Variants in ACOT12 observed in about 807,000 individuals in gnomAD.
The protein encoded by ACOT12 is acyl-CoA thioesterase 12, also known as acetyl-coenzyme A thioesterase.
Under a neutral mutation model 67.7 loss-of-function variants are expected in ACOT12, and 51 were observed. That is an observed-to-expected ratio of 0.75 (90% CI 0.60 to 0.95). The LOEUF (loss-of-function observed/expected upper bound fraction) is 0.95. Ranked by LOEUF, ACOT12 falls within the 40% of genes least tolerant of loss-of-function variation. The pLI is 0.00. For synonymous variants in ACOT12, 251 were observed against 244.6 expected (o/e 1.03, Z -0.24); for missense variants, 734 against 708.1 (o/e 1.04, Z -0.41).
chr5:81,348,854 G>T (rs980219175), intron 5 of ACOT12, among the ~76,000 whole-genome samples: 1 of 152,228 alleles, frequency 6.6e-6, no homozygotes. Context: ...GTGAGCCACC[G>T]CGCCTAGCTT....
chr5:81,394,015 A>C lies in ACOT12; in HGVS notation c.100T>G (p.Trp34Gly), dbSNP rs758088057. 2.0e-5 allele frequency: 29 copies of C among 1,450,740 alleles called. No homozygotes were observed. Among genetic ancestry groups the C allele is most frequent in the Non-Finnish European group, 2.6e-5 (29 of 1,105,868 alleles). 89.9% of individuals were successfully genotyped at this position (1,450,740 alleles called of 1,614,324 possible). ...GCCAGGCAGGCGGTGGTGTCGATCCACTTGAGCAGCTGCCCCGCGCTCAGC... is the reference window on the plus strand; with the variant it reads ...GCCAGGCAGGCGGTGGTGTCGATCCCCTTGAGCAGCTGCCCCGCGCTCAGC... ...GELSAGQLLK[W>G]IDTTACLAAE... The change falls in exon 1 of 15, where the codon TGG becomes GGG. Residue 34 changes from tryptophan to glycine, a missense_variant. Coordinates refer to ENST00000307624, the MANE Select transcript of ACOT12 (RefSeq NM_130767.3).
chr5:81,365,228 G>A (rs943331780), intron 3 of ACOT12, among the ~76,000 whole-genome samples: 3 of 152,136 alleles, frequency 2.0e-5, no homozygotes, highest in African/African-American at 7.2e-5. Context: ...TCAGCACTAT[G>A]TTATCAACGA....
chr5:81,381,779 T>C (rs994683287), intron 2 of ACOT12, among the ~76,000 whole-genome samples: 5 of 152,024 alleles, frequency 3.3e-5, no homozygotes, highest in African/African-American at 9.7e-5. Context: ...TAAAACAAAA[T>C]TAAATGAAAA....
chr5:81,358,475 G>A (rs1580561162), intron 5 of ACOT12, among the ~76,000 whole-genome samples: 1 of 152,126 alleles, frequency 6.6e-6, no homozygotes, highest in South Asian at 2.1e-4. Flanking sequence ...ATGTATTTTG[G>A]TGCTGAGACC....
intron 5 of ACOT12, among the ~76,000 whole-genome samples, chr5:81,349,003 G>A (rs942533721): frequency 9.9e-5 from 15 of 152,184 alleles, no homozygotes; most frequent in Non-Finnish European, 1.6e-4. Flanking sequence ...GTGAACCACC[G>A]GCTAGGTTTC....
In ACOT12 at chr5:81,330,309, GC is replaced by G; in HGVS notation, c.*84del. On this transcript the variant is annotated 3_prime_UTR_variant, in exon 15 of 15. Coordinates refer to ENST00000307624, the MANE Select transcript of ACOT12 (RefSeq NM_130767.3). ...TAGGGTTATATTAAATTATTTTGTG[GC>G]CCCAAAGCTTGACAGATGTCAGGGC... 7.0e-7 allele frequency: 1 copy of G among 1,422,386 alleles called. No homozygotes were observed. Among genetic ancestry groups the G allele is most frequent in the South Asian group, 1.6e-5 (1 of 62,956 alleles). 88.1% of individuals were successfully genotyped at this position (1,422,386 alleles called of 1,614,324 possible).
In ACOT12 at chr5:81,330,331, A is replaced by T; in HGVS notation, c.*63T>A. On this transcript the variant is annotated 3_prime_UTR_variant, in exon 15 of 15. Coordinates refer to ENST00000307624, the MANE Select transcript of ACOT12 (RefSeq NM_130767.3). ...GTGGCCCCAAAGCTTGACAGATGTC[A>T]GGGCTAAGGGTGCTTGGAATTAAAA... 1.3e-6 allele frequency: 2 copies of T among 1,517,148 alleles called. No individual in the cohort carries two copies. Among genetic ancestry groups the T allele is most frequent in the Non-Finnish European group, 1.8e-6 (2 of 1,125,680 alleles). 94.0% of individuals were successfully genotyped at this position (1,517,148 alleles called of 1,614,324 possible).
intron 4 of ACOT12, among the ~76,000 whole-genome samples, chr5:81,361,513 T>C (rs556313212): frequency 6.6e-6 from 1 of 152,214 alleles, no homozygotes; most frequent in African/African-American, 2.4e-5. Flanking sequence ...ATTTAACAAT[T>C]TTTGTAGTGT....
intron 1 of ACOT12, 95 bp from the exon 2 acceptor site, chr5:81,385,921 G>T (rs1488741191): frequency 1.7e-6 from 2 of 1,160,682 alleles, no homozygotes; most frequent in Non-Finnish European, 2.5e-6. Flanking sequence ...ATTGATTTTA[G>T]TCACCCATCC....
chr5:81,390,485 C>T (rs572686639), intron 1 of ACOT12, among the ~76,000 whole-genome samples: 5 of 151,136 alleles, frequency 3.3e-5, no homozygotes, highest in African/African-American at 9.7e-5. Flanking sequence ...TCTTTTCAAT[C>T]TTTTTCTTCT....
intron 11 of ACOT12, among the ~76,000 whole-genome samples, chr5:81,341,502 G>C (rs1358710984): frequency 1.3e-5 from 2 of 152,234 alleles, no homozygotes; most frequent in African/African-American, 4.8e-5. Context: ...AGCCAGAGCT[G>C]TCCCAGGAAA....
chr5:81,382,628 C>A (rs909907236), intron 2 of ACOT12, among the ~76,000 whole-genome samples: 8 of 151,998 alleles, frequency 5.3e-5, no homozygotes, highest in Non-Finnish European at 1.2e-4. Flanking sequence ...GAAACCCCAT[C>A]TCTACTAAAA....
chr5:81,347,655 C>A, intron 6 of ACOT12, 119 bp downstream of exon 6: 1 of 1,108,820 alleles, frequency 9.0e-7, no homozygotes. Context: ...TTATAAAAGG[C>A]AACATTTTCC....
chr5:81,319,554 C>T, the ACOT12 span, among the ~76,000 whole-genome samples: 2 of 152,102 alleles, frequency 1.3e-5, no homozygotes, highest in Non-Finnish European at 2.9e-5. Context: ...CCCGTATCTA[C>T]TAAAAATACA....
chr5:81,392,561 C>T (rs1760892735), intron 1 of ACOT12, among the ~76,000 whole-genome samples: 1 of 152,120 alleles, frequency 6.6e-6, no homozygotes, highest in East Asian at 1.9e-4. Flanking sequence ...TTCTCCATCA[C>T]AAGACAGAGG....
At chr5:81,312,390 A>G in the ACOT12 span, among the ~76,000 whole-genome samples, 4 of 152,232 alleles carry the variant, frequency 2.6e-5, no homozygotes, top group African/African-American at 9.6e-5. Context: ...GTTATAATCA[A>G]TTACAGAATT....
At chr5:81,339,985 G>A (rs896322999) in intron 11 of ACOT12, among the ~76,000 whole-genome samples, 8 of 151,914 alleles carry the variant, frequency 5.3e-5, no homozygotes, top group South Asian at 2.1e-4. Flanking sequence ...TCAGATTCCC[G>A]AGTAGCTGGG....
At chr5:81,366,869 GA>G (rs1431047516) in intron 3 of ACOT12, among the ~76,000 whole-genome samples, 5 of 152,170 alleles carry the variant, frequency 3.3e-5, no homozygotes, top group Non-Finnish European at 7.4e-5. Context: ...AAGGAAGACT[GA>G]AAGAAGAAAA....
At chr5:81,329,418 A>G (rs897789661), downstream of ACOT12, among the ~76,000 whole-genome samples, 4 of 152,242 alleles carry the variant, frequency 2.6e-5, no homozygotes, top group Non-Finnish European at 4.4e-5. Flanking sequence ...GTTCATGTAA[A>G]TGAAAACTTG....
Sources: allele counts gnomAD v4.1 joint callset (sites outside exome capture counted in the v4.1 genomes callset), GRCh38; gene constraint gnomAD v4.1.1; transcripts MANE v1.5; gene names NCBI Gene and HGNC (gene_info 2026-07-23, HGNC 2026-07-21).